OTUD7A: variants seen among roughly 807,000 people sequenced by gnomAD.
OTUD7A encodes OTU domain-containing protein 7A.
In OTUD7A, 12 loss-of-function variants were observed where a neutral mutation model predicts 65.7. The observed-to-expected ratio is 0.18, with a 90% CI of 0.12 to 0.30. The LOEUF (loss-of-function observed/expected upper bound fraction) is 0.30. Ranked by LOEUF, OTUD7A falls within the 10% of genes least tolerant of loss-of-function variation. The pLI, the probability that OTUD7A is intolerant of heterozygous loss-of-function variation, is 1.00. For missense variants in OTUD7A, 1,148 were observed against 1,304.8 expected, an observed-to-expected ratio of 0.88 and a Z score of 1.85; for synonymous variants, 641 against 586.3, an observed-to-expected ratio of 1.09 and a Z score of -1.35.
At chr15:31,572,389 T>C (rs892121609) in intron 3 of OTUD7A, among the ~76,000 whole-genome samples, 10 of 152,194 alleles carry the variant, frequency 6.6e-5, no homozygotes, top group African/African-American at 1.4e-4. Context: ...AAGCTTCCTG[T>C]GAAGTTTTTC....
intron 10 of OTUD7A, among the ~76,000 whole-genome samples, chr15:31,501,036 T>C (rs891346855): frequency 1.3e-5 from 2 of 152,284 alleles, no homozygotes; most frequent in Non-Finnish European, 1.5e-5. Context: ...GTGCACAGCC[T>C]GTGGGCTGGC....
At chr15:31,596,542 A>G (rs984715123) in intron 3 of OTUD7A, among the ~76,000 whole-genome samples, 1 of 152,172 alleles carries the variant, frequency 6.6e-6, no homozygotes, top group Non-Finnish European at 1.5e-5. Flanking sequence ...TGTATTTTTA[A>G]TTTTGTAAGA....
intron 1 of OTUD7A, among the ~76,000 whole-genome samples, chr15:31,835,063 A>G (rs1897021919): frequency 1.3e-5 from 2 of 152,228 alleles, no homozygotes; most frequent in Non-Finnish European, 2.9e-5. Flanking sequence ...ATATTACACA[A>G]GGTCTGCCAG....
At chr15:31,857,948 A>G (rs573279572) in intron 1 of OTUD7A, among the ~76,000 whole-genome samples, 1 of 152,202 alleles carries the variant, frequency 6.6e-6, no homozygotes, top group Non-Finnish European at 1.5e-5. Context: ...AAAATCAACA[A>G]GGGAAGGTTA....
At chr15:31,563,622 GTCAGGTGGTGC>G (rs1263445499) in intron 4 of OTUD7A, among the ~76,000 whole-genome samples, 1 of 152,230 alleles carries the variant, frequency 6.6e-6, no homozygotes, top group African/African-American at 2.4e-5. Context: ...GCTGGAGAAT[GTCAGGTGGTGC>G]TGGAGCACAG....
chr15:31,545,858 T>C (rs1362512303), intron 5 of OTUD7A, among the ~76,000 whole-genome samples: 1 of 152,180 alleles, frequency 6.6e-6, no homozygotes, highest in Admixed American at 6.5e-5. Flanking sequence ...GATCCAGCAA[T>C]ATCACTCCTA....
intron 5 of OTUD7A, among the ~76,000 whole-genome samples, chr15:31,540,906 G>T (rs2141134981): frequency 6.6e-6 from 1 of 152,330 alleles, no homozygotes; most frequent in South Asian, 2.1e-4. Context: ...CTGCTTAAAG[G>T]GAGGTCAGCT....
chr15:31,590,925 C>A (rs928498527), intron 3 of OTUD7A, among the ~76,000 whole-genome samples: 3 of 152,112 alleles, frequency 2.0e-5, no homozygotes, highest in Non-Finnish European at 4.4e-5. Flanking sequence ...TCCTTGGGTG[C>A]TGATAGCATG....
intron 3 of OTUD7A, among the ~76,000 whole-genome samples, chr15:31,573,699 G>C (rs980266552): frequency 4.6e-5 from 7 of 152,194 alleles, no homozygotes; most frequent in African/African-American, 1.7e-4. Context: ...TCAGGAGTTT[G>C]AGACTAGCCT....
rs137864970 is a variant in OTUD7A at position 31,818,368 on chromosome 15, C to T, written c.-100+52139G>A. Among the ~76,000 whole-genome samples the T allele has an allele frequency of 1.2e-3, 183 of 152,254 alleles. 7 individuals are homozygous for T. The East Asian group carries it at 0.033, about 27-fold the overall frequency. ...AGAGGTACAGAGAAAAGATGATGTT[C>T]ATTGCATCTCTCTTTATAGGGAGAA... On this transcript the variant is annotated intron_variant, in intron 1 of 12. Coordinates refer to ENST00000307050, the MANE Select transcript of OTUD7A (RefSeq NM_001382637.1).
At chr15:31,553,848 T>C (rs1888405790) in intron 5 of OTUD7A, among the ~76,000 whole-genome samples, 1 of 151,950 alleles carries the variant, frequency 6.6e-6, no homozygotes, top group Non-Finnish European at 1.5e-5. Flanking sequence ...TCCAGCTTCT[T>C]CTCTTACCAC....
chr15:31,679,108 T>C (rs967172699), intron 1 of OTUD7A, among the ~76,000 whole-genome samples: 1 of 152,226 alleles, frequency 6.6e-6, no homozygotes, highest in Non-Finnish European at 1.5e-5. Context: ...TACTGGATTT[T>C]GGACTTGCAT....
intron 1 of OTUD7A, among the ~76,000 whole-genome samples, chr15:31,738,433 T>C (rs1894251214): frequency 6.6e-6 from 1 of 152,162 alleles, no homozygotes; most frequent in Non-Finnish European, 1.5e-5. Flanking sequence ...CCATCAGCGC[T>C]GAATCTACAA....
intron 1 of OTUD7A, among the ~76,000 whole-genome samples, chr15:31,737,835 ACAG>A (rs1894234199): frequency 6.6e-6 from 1 of 152,230 alleles, no homozygotes; most frequent in Non-Finnish European, 1.5e-5. Context: ...TCCATGCTGT[ACAG>A]TTTCCTGAGG....
chr15:31,501,751 A>G lies in OTUD7A; in HGVS notation c.1110T>C (p.Tyr370=), dbSNP rs755356403. ...RCHCSPLVLA[Y]DQAHFSALVS... ...CAAGGGCAGAGAAATGGGCTTGATC[A>G]TAGGCCAGAACCAGAGGCGAGCAGT... Residue 370 remains tyrosine, a synonymous_variant, in exon 10 of 13, where the codon TAT becomes TAC. Coordinates refer to ENST00000307050, the MANE Select transcript of OTUD7A (RefSeq NM_001382637.1). The G allele has an allele frequency of 3.1e-6, 5 of 1,614,038 alleles. No homozygotes were observed. Among genetic ancestry groups the G allele is most frequent in the Non-Finnish European group, 3.4e-6 (4 of 1,179,998 alleles).
At chr15:31,730,991 A>G (rs924282125) in intron 1 of OTUD7A, among the ~76,000 whole-genome samples, 5 of 152,220 alleles carry the variant, frequency 3.3e-5, no homozygotes, top group African/African-American at 1.2e-4. Context: ...CGTACAAAAT[A>G]TCCTTAGGAC....
intron 1 of OTUD7A, among the ~76,000 whole-genome samples, chr15:31,812,994 A>C (rs1896459580): frequency 6.6e-6 from 1 of 152,212 alleles, no homozygotes; most frequent in Non-Finnish European, 1.5e-5. Flanking sequence ...CTCAGGATGG[A>C]TTCTCAAGGC....
In OTUD7A at chr15:31,526,324, T is replaced by C. The variant is rs1033971273; in HGVS notation, c.893+25A>G. ...GTGGCCTGGAGCTGGAGGTGACTTC[T>C]GGGGAGAGCAGGGGCAGCACTTACC... On this transcript the variant is annotated intron_variant, in intron 8 of 12. Transcript: ENST00000307050. 1.9e-6 allele frequency: 3 copies of C among 1,561,060 alleles called. No individual in the cohort carries two copies. In the African/African-American group the frequency reaches 4.0e-5, roughly 21 times the overall value.
intron 1 of OTUD7A, among the ~76,000 whole-genome samples, chr15:31,702,681 T>C (rs77090806): frequency 0.012 from 1,830 of 152,194 alleles, 16 homozygotes; most frequent in Non-Finnish European, 0.018. Flanking sequence ...ACTCCCCAAA[T>C]TGATGTATAA....
Sources: allele counts gnomAD v4.1 joint callset (sites outside exome capture counted in the v4.1 genomes callset), GRCh38; gene constraint gnomAD v4.1.1; transcripts MANE v1.5; gene names NCBI Gene and HGNC (gene_info 2026-07-23, HGNC 2026-07-21).